VPS13B: variants seen among roughly 807,000 people sequenced by gnomAD.
VPS13B encodes the protein vacuolar protein sorting 13 homolog B, also known as intermembrane lipid transfer protein VPS13B.
In VPS13B, 285 loss-of-function variants were observed where a neutral mutation model predicts 426.4. That is an observed-to-expected ratio of 0.67 (90% CI 0.61 to 0.74). The LOEUF is 0.74. Among genes scored for constraint, VPS13B ranks in the 30% least tolerant of loss-of-function variants. VPS13B has a pLI of 0.00. For missense variants in VPS13B, 4,537 were observed against 4,782.6 expected, an observed-to-expected ratio of 0.95 and a Z score of 1.51; for synonymous variants, 1,676 against 1,676.4, an observed-to-expected ratio of 1.00 and a Z score of 0.01.
chr8:99,699,736 T>C lies in VPS13B; in HGVS notation c.6258T>C (p.His2086=), dbSNP rs1472821351. The C allele has an allele frequency of 1.4e-5, 22 of 1,614,006 alleles. No individual in the cohort carries two copies. The highest frequency in any genetic ancestry group is 1.7e-5 in the Non-Finnish European group (20 of 1,180,022). Residue 2086 remains histidine (H), a synonymous_variant, in exon 36 of 62, where the codon CAT becomes CAC. Transcript: ENST00000357162. ...YRGKLSKPKI[H]GDGVQKISAQ... Reference sequence around the variant, plus strand: ...GAAAGTTGTCTAAACCCAAAATTCATGGTGATGGAGTGCAAAAGATTTCAG... The same window carrying C: ...GAAAGTTGTCTAAACCCAAAATTCACGGTGATGGAGTGCAAAAGATTTCAG...
chr8:99,260,129 C>T (rs370303272), intron 17 of VPS13B, among the ~76,000 whole-genome samples: 26 of 152,008 alleles, frequency 1.7e-4, no homozygotes, highest in East Asian at 3.9e-4. Flanking sequence ...CAGCCAAAGA[C>T]GCTATAAGTG....
At chr8:99,761,857 A>G (rs555068577) in intron 39 of VPS13B, among the ~76,000 whole-genome samples, 14 of 152,242 alleles carry the variant, frequency 9.2e-5, no homozygotes, top group East Asian at 1.9e-4. Flanking sequence ...GTACATAATC[A>G]TATATATTTA....
intron 17 of VPS13B, among the ~76,000 whole-genome samples, chr8:99,250,459 A>C (rs1242727117): frequency 6.6e-6 from 1 of 152,018 alleles, no homozygotes; most frequent in Non-Finnish European, 1.5e-5. Context: ...ATTTCCCCCT[A>C]TGCTTTTTTC....
chr8:99,840,742 C>A (rs901161149), intron 54 of VPS13B, among the ~76,000 whole-genome samples: 7 of 152,120 alleles, frequency 4.6e-5, no homozygotes, highest in Non-Finnish European at 5.9e-5. Context: ...GTAATCTGTC[C>A]ATTTGGTGCA....
intron 19 of VPS13B, among the ~76,000 whole-genome samples, chr8:99,280,253 C>T (rs942722006): frequency 9.2e-5 from 14 of 152,152 alleles, no homozygotes; most frequent in African/African-American, 3.1e-4. Flanking sequence ...TTATTTCCAG[C>T]TCAGTCTCAA....
At chr8:99,541,415 G>A (rs140559819) in intron 30 of VPS13B, among the ~76,000 whole-genome samples, 1,873 of 152,096 alleles carry the variant, frequency 0.012, 19 homozygotes, top group Non-Finnish European at 0.016. Context: ...ATGTGCCGTG[G>A]TGGTTTGCTG....
intron 19 of VPS13B, among the ~76,000 whole-genome samples, chr8:99,377,849 A>T (rs574115094): frequency 6.6e-6 from 1 of 152,202 alleles, no homozygotes; most frequent in South Asian, 2.1e-4. Flanking sequence ...CAGAGATCAC[A>T]TGGTTCAAGG....
chr8:99,386,086 T>G (rs969251850), intron 20 of VPS13B, among the ~76,000 whole-genome samples: 4 of 152,262 alleles, frequency 2.6e-5, no homozygotes, highest in Admixed American at 1.3e-4. Flanking sequence ...ATACAGAAGT[T>G]AGACTAATGG....
chr8:99,294,218 T>G (rs1396108950), intron 19 of VPS13B, among the ~76,000 whole-genome samples: 4 of 58,984 alleles, frequency 6.8e-5, no homozygotes, highest in African/African-American at 3.0e-4. Context: ...CCATAAAAAA[T>G]GATGATTTCA....
In VPS13B at chr8:99,013,936, G is replaced by A. The variant is rs1057517029; in HGVS notation, c.147+1G>A. Reference sequence around the variant, plus strand: ...GTTAAAGTTGGATGTGCTGGAACAGGTAAGCTATTTAGCTGTCATTAACTG... The same window carrying A: ...GTTAAAGTTGGATGTGCTGGAACAGATAAGCTATTTAGCTGTCATTAACTG... On this transcript the variant is annotated splice_donor_variant, in intron 2 of 61. Transcript: ENST00000357162. LOFTEE classifies it high-confidence loss of function. 9 of 1,614,090 alleles carry A rather than the reference G, an allele frequency of 5.6e-6. No homozygotes were observed. Among genetic ancestry groups the A allele is most frequent in the Non-Finnish European group, 7.6e-6 (9 of 1,180,034 alleles).
intron 34 of VPS13B, among the ~76,000 whole-genome samples, chr8:99,648,143 G>A (rs1373784469): frequency 1.3e-5 from 2 of 152,076 alleles, no homozygotes; most frequent in Non-Finnish European, 1.5e-5. Flanking sequence ...TCATTCATTC[G>A]CTGAATGTGA....
intron 33 of VPS13B, among the ~76,000 whole-genome samples, chr8:99,631,844 A>G (rs1304420985): frequency 6.6e-6 from 1 of 151,962 alleles, no homozygotes; most frequent in African/African-American, 2.4e-5. Flanking sequence ...TAGATGCTCA[A>G]TAGCAATTTG....
rs140315639 is a variant in VPS13B, at chr8:99,331,027, CA to C, written c.2825-53180del. 1.4e-3 allele frequency among the ~76,000 whole-genome samples: 215 copies of C among 151,874 alleles called. 8 individuals are homozygous for C. In the East Asian group the frequency reaches 0.036, roughly 26 times the overall value. ...TCATATACATTAAAATGCTTTCATT[CA>C]GATTCTTTAATCATAGATAATTTTA... On this transcript the variant is annotated intron_variant, in intron 19 of 61. Coordinates refer to ENST00000357162, the MANE Select transcript of VPS13B (RefSeq NM_152564.5).
intron 56 of VPS13B, 72 bp from the exon 57 acceptor site, chr8:99,859,232 G>A: frequency 1.9e-6 from 3 of 1,585,036 alleles, no homozygotes; most frequent in Admixed American, 1.7e-5. Flanking sequence ...GGGAAAATGG[G>A]TCACTTTTTC....
chr8:99,456,295 A>C (rs1008036510), intron 23 of VPS13B, among the ~76,000 whole-genome samples: 2 of 152,004 alleles, frequency 1.3e-5, no homozygotes, highest in Admixed American at 1.3e-4. Flanking sequence ...CAGCCTCCTG[A>C]GTAGCTGGGA....
intron 29 of VPS13B, among the ~76,000 whole-genome samples, chr8:99,520,645 G>A (rs1822331319): frequency 6.6e-6 from 1 of 151,974 alleles, no homozygotes; most frequent in South Asian, 2.1e-4. Flanking sequence ...TTAATGTTGG[G>A]AGTGGAGTTG....
rs903793427 is a variant in VPS13B at position 99,172,969 on chromosome 8, T to C, written c.2333+2806T>C. Among the ~76,000 whole-genome samples the C allele has an allele frequency of 4.6e-5, 7 of 152,200 alleles. No individual in the cohort carries two copies. The East Asian group carries it at 1.3e-3, about 29-fold the overall frequency. ...AAAGTTTGCTTTTATGAGAAGTTTATACTTGGATTTCTGCCTAAGAATAAT... is the reference window on the plus strand; with the variant it reads ...AAAGTTTGCTTTTATGAGAAGTTTACACTTGGATTTCTGCCTAAGAATAAT... On this transcript the variant is annotated intron_variant, in intron 16 of 61. Transcript: ENST00000357162.
intron 3 of VPS13B, among the ~76,000 whole-genome samples, chr8:99,046,625 C>T (rs1275794924): frequency 6.6e-6 from 1 of 151,958 alleles, no homozygotes; most frequent in South Asian, 2.1e-4. Context: ...GTCTTGTCTT[C>T]CCTAAAAGAA....
In VPS13B at chr8:99,577,452, C is replaced by A. The variant is rs748606028; in HGVS notation, c.5077-38C>A. ...TGATAAATTATCATCTGAAAGCTAT[C>A]ATGTTTCTTTATCTGTATTCTACCG... is the stretch of plus-strand genomic sequence containing the variant. On this transcript the variant is annotated intron_variant, in intron 32 of 61. Transcript: ENST00000357162. 3 of 1,611,746 alleles carry A rather than the reference C, an allele frequency of 1.9e-6. No homozygotes were observed. In the African/African-American group the frequency reaches 4.0e-5, roughly 22 times the overall value.
Sources: gnomAD v4.1 joint callset for allele counts (sites outside exome capture counted in the v4.1 genomes callset) on GRCh38, gnomAD v4.1.1 for gene constraint, MANE v1.5 for transcripts, NCBI Gene and HGNC (gene_info 2026-07-23, HGNC 2026-07-21) for gene names.